Variants in COL5A3 observed in about 807,000 individuals in gnomAD.
COL5A3 encodes collagen alpha-3(V) chain.
Under a neutral mutation model 250.0 loss-of-function variants are expected in COL5A3, and 172 were observed. The ratio of observed to expected loss-of-function variants is 0.69; its 90% CI spans 0.61 to 0.78. The LOEUF (loss-of-function observed/expected upper bound fraction) is 0.78. Among genes scored for constraint, COL5A3 ranks in the 30% least tolerant of loss-of-function variants. COL5A3 has a pLI of 0.00. For synonymous variants in COL5A3, 937 were observed against 900.4 expected, an observed-to-expected ratio of 1.04 and a Z score of -0.73; for missense variants, 2,340 against 2,334.4, an observed-to-expected ratio of 1.00 and a Z score of -0.05.
intron 8 of COL5A3, among the ~76,000 whole-genome samples, chr19:9,998,591 G>GGCAA (rs2087306782): frequency 6.6e-6 from 1 of 152,100 alleles, no homozygotes; most frequent in Non-Finnish European, 1.5e-5. Flanking sequence ...AGGTAGCAAG[G>GGCAA]GCAAGTTAGT....
chr19:9,999,006 T>TTTTCTTTC (rs371671435), intron 8 of COL5A3, among the ~76,000 whole-genome samples: 8 of 129,212 alleles, frequency 6.2e-5, no homozygotes, highest in Admixed American at 3.1e-4. Context: ...CCTTTCTTTC[T>TTTTCTTTC]TTTCTTTCTT....
chr19:9,988,819 G>C (rs1241667906), intron 27 of COL5A3, among the ~76,000 whole-genome samples: 2 of 104,332 alleles, frequency 1.9e-5, no homozygotes, highest in African/African-American at 8.1e-5. Context: ...GGGCGACAAA[G>C]CGAGACTCTG....
chr19:9,975,460 G>A (rs1213086237), intron 45 of COL5A3, among the ~76,000 whole-genome samples: 2 of 152,074 alleles, frequency 1.3e-5, no homozygotes, highest in Non-Finnish European at 2.9e-5. Flanking sequence ...TCAGAGCTGG[G>A]TTTAGGTTGG....
At chr19:9,974,494 G>C in intron 45 of COL5A3, 86 bp from the exon 46 acceptor site, 1 of 1,013,706 alleles carries the variant, frequency 9.9e-7, no homozygotes, top group South Asian at 1.7e-5. Flanking sequence ...CTGAGGTTAA[G>C]GGTTGGAGTC....
At chr19:9,993,477 C>T (rs1974813) in intron 18 of COL5A3, 44 bp from the exon 19 acceptor site, 80,040 of 1,607,980 alleles carry the variant, frequency 0.05, 5,335 homozygotes, top group African/African-American at 0.24. Context: ...AGGGTGTGGG[C>T]GGAGAGACCA....
intron 51 of COL5A3, 59 bp from the exon 52 acceptor site, chr19:9,971,317 T>C (rs2086843301): frequency 7.7e-7 from 1 of 1,303,256 alleles, no homozygotes; most frequent in Non-Finnish European, 1.1e-6. Flanking sequence ...CATGCATTTA[T>C]GGAACAGATC....
Position 9,973,642 on chromosome 19 carries a change from G to C in COL5A3, c.3613-19C>G. The C allele has an allele frequency of 6.2e-7, 1 of 1,612,152 alleles. No individual in the cohort carries two copies. Among genetic ancestry groups the C allele is most frequent in the Admixed American group, 1.7e-5 (1 of 59,848 alleles). On this transcript the variant is annotated intron_variant, in intron 49 of 66. Coordinates refer to ENST00000264828, the MANE Select transcript of COL5A3 (RefSeq NM_015719.4). ...GCTCACCCTGCAGGAGGCAAAGTGA[G>C]AGTGGGGAGAGGTCCCATCCTAGCA...
At position 9,994,559 on chromosome 19, in the gene COL5A3, CATATATATATATATATATAT is replaced by C. The variant is rs57642882; in HGVS notation, c.1588-773_1588-754del. ...AGGCTGGAGTTACATATATGTTTTA[CATATATATATATATATATAT>C]ATATATATATATATATATATATATA... On this transcript the variant is annotated intron_variant, in intron 16 of 66. Coordinates refer to ENST00000264828, the MANE Select transcript of COL5A3 (RefSeq NM_015719.4). 5.7e-3 allele frequency among the ~76,000 whole-genome samples: 404 copies of C among 70,710 alleles called. 4 individuals carry two copies. The highest frequency in any genetic ancestry group is 0.011 in the African/African-American group (287 of 26,900). The allele number at this position is 70,710 out of a possible 152,430, so 46.4% of individuals were successfully genotyped here. A position where few individuals can be genotyped will look rare whatever the true frequency, so the allele number is the denominator to read the frequency against.
chr19:9,963,527 G>A (rs1387929831), intron 64 of COL5A3, among the ~76,000 whole-genome samples: 1 of 132,816 alleles, frequency 7.5e-6, no homozygotes, highest in East Asian at 2.4e-4. Context: ...AAGTAGCTGG[G>A]ATAATAGGAG....
Position 9,998,097 on chromosome 19 carries a change from C to T in COL5A3, c.1158+5G>A, listed in dbSNP as rs772913946. The T allele has an allele frequency of 6.6e-5, 107 of 1,613,912 alleles. No individual in the cohort carries two copies. The highest frequency in any genetic ancestry group is 1.3e-4 in the Admixed American group (8 of 59,958). On this transcript the variant is annotated splice_donor_5th_base_variant and intron_variant, in intron 9 of 66. Transcript: ENST00000264828. ...CTCAACCCCCTCACAATCCAGACCC[C>T]TCACCTTTTCAATCACTGCGGGCTC...
At chr19:10,003,068 A>G (rs190627625) in intron 6 of COL5A3, among the ~76,000 whole-genome samples, 320 of 152,172 alleles carry the variant, frequency 2.1e-3, no homozygotes, top group African/African-American at 7.4e-3. Flanking sequence ...ATGATTCCCC[A>G]CTATCCAGCA....
intron 19 of COL5A3, 139 bp from the exon 20 acceptor site, chr19:9,993,206 T>C (rs979476166): frequency 1.9e-5 from 22 of 1,135,188 alleles, no homozygotes; most frequent in African/African-American, 7.7e-5. Flanking sequence ...GTTCATGGGA[T>C]TCCATTCAGG....
At chr19:9,979,608 G>A (rs1402892951) in intron 37 of COL5A3, among the ~76,000 whole-genome samples, 191 bp from the exon 38 acceptor site, 1 of 151,996 alleles carries the variant, frequency 6.6e-6, no homozygotes, top group Non-Finnish European at 1.5e-5. Context: ...TGGTCAACAT[G>A]ATGAAGCCCC....
At position 9,977,228 on chromosome 19, in the gene COL5A3, C is replaced by T; in HGVS notation, c.3288+1G>A. 9 of 1,613,790 alleles carry T rather than the reference C, an allele frequency of 5.6e-6. No homozygotes were observed. Among genetic ancestry groups the T allele is most frequent in the Non-Finnish European group, 7.6e-6 (9 of 1,179,716 alleles). ...CTGCCCCACTGGGGACCTTCACTCA[C>T]CGCGTCTCCTTTATCGCCTTTACTC... On this transcript the variant is annotated splice_donor_variant, in intron 44 of 66. Coordinates refer to ENST00000264828, the MANE Select transcript of COL5A3 (RefSeq NM_015719.4). LOFTEE classifies it high-confidence loss of function.
chr19:9,986,713 C>T lies in COL5A3; in HGVS notation c.2190+1G>A. On this transcript the variant is annotated splice_donor_variant, in intron 28 of 66. Transcript: ENST00000264828. LOFTEE classifies it high-confidence loss of function. ...CTCTGATGAGTTCCTTCTCTCCTCA[C>T]CTTCTCGCCTTTCTCCCCCTGGAGG... 1 of 1,613,914 alleles carries T rather than the reference C, an allele frequency of 6.2e-7. No individual in the cohort carries two copies.
In COL5A3 at chr19:9,970,195, T is replaced by TG. The variant is rs150499902; in HGVS notation, c.3937-274dup. On this transcript the variant is annotated intron_variant, in intron 54 of 66. Coordinates refer to ENST00000264828, the MANE Select transcript of COL5A3 (RefSeq NM_015719.4). ...GGGGTCTGTGGGTGAGTGGGGTCTG[T>TG]GGGTGAGTGGGGGCTGTGGGTGAGT... is the stretch of plus-strand genomic sequence containing the variant. Among the ~76,000 whole-genome samples, 19 of 4,568 alleles carry TG rather than the reference T, an allele frequency of 4.2e-3. 2 individuals carry two copies. Among genetic ancestry groups the TG allele is most frequent in the South Asian group, 9.1e-3 (1 of 110 alleles). 3.0% of individuals were successfully genotyped at this position (4,568 alleles called of 152,430 possible).
intron 65 of COL5A3, among the ~76,000 whole-genome samples, chr19:9,961,106 GC>G (rs1306292455): frequency 1.3e-5 from 2 of 151,960 alleles, no homozygotes; most frequent in East Asian, 1.9e-4. Flanking sequence ...AGGCCTCCAT[GC>G]CCACTCCATC....
chr19:9,968,990 G>C lies in COL5A3; in HGVS notation c.4153-262C>G, dbSNP rs1487217768. 7 of 589,746 alleles carry C rather than the reference G, an allele frequency of 1.2e-5. No homozygotes were observed. The highest frequency in any genetic ancestry group is 2.1e-5 in the Non-Finnish European group (7 of 335,984). 36.5% of individuals were successfully genotyped at this position (589,746 alleles called of 1,614,324 possible). A position where few individuals can be genotyped will look rare whatever the true frequency, so the allele number is the denominator to read the frequency against. On this transcript the variant is annotated intron_variant, in intron 57 of 66. Coordinates refer to ENST00000264828, the MANE Select transcript of COL5A3 (RefSeq NM_015719.4). The surrounding 1 kb of genome is among the most constrained non-coding windows in gnomAD (Gnocchi z 4.1). Reference sequence around the variant, plus strand: ...TGTAGACCATTAAGATGGAGAGTCAGTGCAGGCATCAAGATGAAGGGTCAG... The same window carrying C: ...TGTAGACCATTAAGATGGAGAGTCACTGCAGGCATCAAGATGAAGGGTCAG...
intron 64 of COL5A3, among the ~76,000 whole-genome samples, chr19:9,965,156 CTTTTT>C (rs771519552): frequency 5.0e-5 from 5 of 100,306 alleles, no homozygotes; most frequent in African/African-American, 1.5e-4. Flanking sequence ...TTTTCTTTTT[CTTTTT>C]TTTTTTTTTT....
Sources: allele counts gnomAD v4.1 joint callset (sites outside exome capture counted in the v4.1 genomes callset), GRCh38; gene constraint gnomAD v4.1.1; non-coding constraint Gnocchi (gnomAD v3.1); transcripts MANE v1.5; gene names NCBI Gene and HGNC (gene_info 2026-07-23, HGNC 2026-07-21).